Variants in AGAP2 observed in about 807,000 individuals in gnomAD.
AGAP2 encodes ArfGAP with GTPase domain, ankyrin repeat and PH domain 2, also known as arf-GAP with GTPase, ANK repeat and PH domain-containing protein 2.
In AGAP2, 32 loss-of-function variants were observed where a neutral mutation model predicts 110.9. That is an observed-to-expected ratio of 0.29 (90% CI 0.22 to 0.39). The LOEUF is 0.39. AGAP2 is among the 10% of genes least tolerant of loss of function. AGAP2 has a pLI of 1.00. For missense variants in AGAP2, 1,285 were observed against 1,638.5 expected (o/e 0.78, Z 3.72); for synonymous variants, 702 against 713.0 (o/e 0.98, Z 0.25).
In AGAP2 at chr12:57,732,421, G is replaced by T; in HGVS notation, c.1776C>A (p.Ser592=). The T allele has an allele frequency of 6.2e-7, 1 of 1,605,580 alleles. No homozygotes were observed. ...LPSSPSHSAA[S]TPVAGQASNG... ...AACTCACCTGGCCAGCTACCGGAGT[G>T]GATGCAGCTGAGTGGCTTGGGGAGC... Residue 592 remains serine (S), a synonymous_variant, in exon 7 of 19, where the codon TCC becomes TCA. Coordinates refer to ENST00000547588, the MANE Select transcript of AGAP2 (RefSeq NM_001122772.3).
At chr12:57,742,019 C>T (rs772200859), upstream of AGAP2, 43 of 1,614,026 alleles carry the variant, frequency 2.7e-5, no homozygotes, top group East Asian at 2.2e-5. Context: ...CACCTCATGT[C>T]GTCTGACTTC....
In AGAP2 at chr12:57,737,360, G is replaced by C; in HGVS notation, c.887C>G (p.Pro296Arg). The C allele has an allele frequency of 6.2e-7, 1 of 1,613,874 alleles. No individual in the cohort carries two copies. The highest frequency in any genetic ancestry group is 1.1e-5 in the South Asian group (1 of 91,084). The change falls in exon 1 of 19, where the codon CCA (proline) becomes CGA (arginine). Residue 296 changes from proline to arginine, a missense_variant. Physicochemically the swap from Pro to Arg is moderately radical, Grantham distance 103 (BLOSUM62 -2). Coordinates refer to ENST00000547588, the MANE Select transcript of AGAP2 (RefSeq NM_001122772.3). This position sits in a 1 kb window ranked among gnomAD's most constrained non-coding sequence, Gnocchi z 5.9. ...AGCAGTGGCTGGACTCGGAGTTGGT[G>C]GGAGGGTTAGCGGAGGAGGAGAGCC... The part of the protein sequence containing the change: ...PAGSPPPLTL[P>R]PTPSPATAVT...
chr12:57,727,995 T>C lies in AGAP2; in HGVS notation c.2708A>G (p.Gln903Arg). 1.2e-6 allele frequency: 2 copies of C among 1,614,162 alleles called. No individual in the cohort carries two copies. Among genetic ancestry groups the C allele is most frequent in the Non-Finnish European group, 1.7e-6 (2 of 1,179,998 alleles). ...ASFEERDAWV[Q>R]AIESQILASL... ...GGCTAGGATCTGACTCTCGATGGCC[T>C]GGACCCAGGCATCCCGCTCCTCAAA... Residue 903 changes from glutamine to arginine, a missense_variant, in exon 15 of 19, where the codon CAG becomes CGG. Around this residue, in one of 7 missense-constraint regions of AGAP2, gnomAD observed 25 missense variants for 67.5 expected, o/e 0.37. Transcript: ENST00000547588.
intron 15 of AGAP2, 81 bp from the exon 16 acceptor site, chr12:57,727,852 C>T: frequency 6.3e-7 from 1 of 1,597,092 alleles, no homozygotes; most frequent in Non-Finnish European, 8.5e-7. Flanking sequence ...TCCTCTCACA[C>T]GACTTCGGCC....
At position 57,730,535 on chromosome 12, in the gene AGAP2, CAGG is replaced by C. The variant is rs757441745; in HGVS notation, c.2385_2387del (p.His795_Leu796delinsGln). ...GGGCCAAATTCCGGTCTGGCTTCAG[CAGG>C]TGTTTGGATGTCTGATCTGGTGGTG... On this transcript the variant is annotated inframe_deletion, in exon 12 of 19. Coordinates refer to ENST00000547588, the MANE Select transcript of AGAP2 (RefSeq NM_001122772.3). The C allele has an allele frequency of 4.3e-6, 7 of 1,614,174 alleles. No individual in the cohort carries two copies. In the East Asian group the frequency reaches 1.6e-4, roughly 36 times the overall value.
intron 11 of AGAP2, 58 bp from the exon 12 acceptor site, chr12:57,730,672 T>C: frequency 1.2e-6 from 2 of 1,605,462 alleles, no homozygotes; most frequent in Admixed American, 3.4e-5. Context: ...ATTCCTTATG[T>C]GGTCCCTCTT....
At position 57,727,000 on chromosome 12, in the gene AGAP2, C is replaced by T. The variant is rs773162708; in HGVS notation, c.3310G>A (p.Val1104Ile). 31 of 1,602,566 alleles carry T rather than the reference C, an allele frequency of 1.9e-5. No homozygotes were observed. Among genetic ancestry groups the T allele is most frequent in the Non-Finnish European group, 2.3e-5 (27 of 1,174,996 alleles). The change falls in exon 18 of 19, where the codon GTC becomes ATC. Residue 1104 changes from valine (V) to isoleucine (I), a missense_variant. Val to Ile is a conservative substitution (Grantham distance 29). Coordinates refer to ENST00000547588, the MANE Select transcript of AGAP2 (RefSeq NM_001122772.3). This position sits in a 1 kb window ranked among gnomAD's most constrained non-coding sequence, Gnocchi z 5.7. ...PLHLAAELAH[V>I]VITQLLLWYG... is the part of the protein sequence containing the mutation. ...CACAGCAGCAGTTGCGTGATGACGA[C>T]GTGGGCGAGCTCGGCCGCCAGGTGG... is the stretch of plus-strand genomic sequence containing the variant.
chr12:57,728,177 C>G, intron 14 of AGAP2, 92 bp from the exon 15 acceptor site: 8 of 1,527,584 alleles, frequency 5.2e-6, no homozygotes, highest in Non-Finnish European at 6.2e-6. Flanking sequence ...CCATCCCGAG[C>G]CCCTGGGAGT....
Position 57,726,385 on chromosome 12 carries a change from T to G in AGAP2, c.*167A>C. On this transcript the variant is annotated 3_prime_UTR_variant, in exon 19 of 19. Coordinates refer to ENST00000547588, the MANE Select transcript of AGAP2 (RefSeq NM_001122772.3). This position sits in a 1 kb window ranked among gnomAD's most constrained non-coding sequence, Gnocchi z 5.7. ...CCTCGTTGGGGAGAGGGAGGTGAGT[T>G]TGTGTCTTCTGGAAGGCGTGGGGGC... 1 of 554,228 alleles carries G rather than the reference T, an allele frequency of 1.8e-6. No individual in the cohort carries two copies. Among genetic ancestry groups the G allele is most frequent in the Non-Finnish European group, 2.5e-6 (1 of 398,372 alleles). 34.3% of individuals were successfully genotyped at this position (554,228 alleles called of 1,614,324 possible). A position where few individuals can be genotyped will look rare whatever the true frequency, so the allele number is the denominator to read the frequency against.
chr12:57,735,002 G>A (rs1440005801), intron 2 of AGAP2, among the ~76,000 whole-genome samples: 1 of 151,626 alleles, frequency 6.6e-6, no homozygotes, highest in East Asian at 1.9e-4. Context: ...TTGTGTGTGT[G>A]TGTCTCTGTG....
At position 57,725,774 on chromosome 12, in the gene AGAP2, T is replaced by G. The variant is rs1028964975; in HGVS notation, c.*778A>C. The G allele has an allele frequency of 8.7e-6, 1 of 114,792 alleles. No homozygotes were observed. Among genetic ancestry groups the G allele is most frequent in the African/African-American group, 3.2e-5 (1 of 30,802 alleles). 7.1% of individuals were successfully genotyped at this position (114,792 alleles called of 1,614,324 possible). A position where few individuals can be genotyped will look rare whatever the true frequency, so the allele number is the denominator to read the frequency against. Reference sequence around the variant, plus strand: ...ACGCCCCTGCCCGCCCCCATCCCCATGTTGGGGAACAAAGCAATAAATTAC... The same window carrying G: ...ACGCCCCTGCCCGCCCCCATCCCCAGGTTGGGGAACAAAGCAATAAATTAC... On this transcript the variant is annotated 3_prime_UTR_variant, in exon 19 of 19. Coordinates refer to ENST00000547588, the MANE Select transcript of AGAP2 (RefSeq NM_001122772.3).
chr12:57,734,504 C>A lies in AGAP2; in HGVS notation c.1315+88G>T, dbSNP rs1954943657. 4 of 1,588,106 alleles carry A rather than the reference C, an allele frequency of 2.5e-6. No homozygotes were observed. In the African/African-American group the frequency reaches 5.4e-5, roughly 21 times the overall value. ...TTGCTATTATGGCCTCATCCTTCCC[C>A]CCTGGTCTCCACACCTGCCTAATCA... is the stretch of plus-strand genomic sequence containing the variant. On this transcript the variant is annotated intron_variant, in intron 3 of 18. Coordinates refer to ENST00000547588, the MANE Select transcript of AGAP2 (RefSeq NM_001122772.3).
At chr12:57,728,272 C>T in intron 14 of AGAP2, 46 bp downstream of exon 14, 2 of 1,604,052 alleles carry the variant, frequency 1.2e-6, no homozygotes, top group Non-Finnish European at 1.7e-6. Flanking sequence ...CACCCCCACC[C>T]TTCTGCACCC....
rs761339511 is a variant in AGAP2 at position 57,726,991 on chromosome 12, T to C, written c.3319A>G (p.Thr1107Ala). 25 of 1,595,206 alleles carry C rather than the reference T, an allele frequency of 1.6e-5. 1 individual carries two copies. In the East Asian group the frequency reaches 5.2e-4, roughly 33 times the overall value. ...TCACGTACCCACAGCAGCAGTTGCG[T>C]GATGACGACGTGGGCGAGCTCGGCC... ...LAAELAHVVITQLLLWYGADV... is the reference protein window; with the variant it reads ...LAAELAHVVIAQLLLWYGADV... Residue 1107 changes from threonine to alanine, a missense_variant, in exon 18 of 19, where the codon ACG (threonine) becomes GCG (alanine). Transcript: ENST00000547588. This position sits in a 1 kb window ranked among gnomAD's most constrained non-coding sequence, Gnocchi z 5.7.
At chr12:57,729,606 G>A in intron 13 of AGAP2, 33 bp downstream of exon 13, 1 of 1,600,732 alleles carries the variant, frequency 6.2e-7, no homozygotes, top group East Asian at 2.3e-5. Flanking sequence ...TGAGGGTTCT[G>A]GGTGGGAGTG....
intron 1 of AGAP2, 24 bp from the exon 2 acceptor site, chr12:57,735,451 G>A (rs1361238772): frequency 1.2e-6 from 2 of 1,611,172 alleles, no homozygotes; most frequent in Non-Finnish European, 1.7e-6. Flanking sequence ...AGGGCAGTAA[G>A]AGGGGAGGCT....
chr12:57,734,734 A>G, intron 2 of AGAP2, 55 bp from the exon 3 acceptor site: 2 of 1,533,018 alleles, frequency 1.3e-6, no homozygotes, highest in Non-Finnish European at 1.8e-6. Flanking sequence ...GGCAGGATGC[A>G]TGGGTCTGGA....
chr12:57,737,812 G>T lies in AGAP2; in HGVS notation c.435C>A (p.Leu145=). The T allele has an allele frequency of 6.6e-7, 1 of 1,509,734 alleles. No individual in the cohort carries two copies. The highest frequency in any genetic ancestry group is 1.2e-5 in the South Asian group (1 of 80,976). 93.5% of individuals were successfully genotyped at this position (1,509,734 alleles called of 1,614,324 possible). A position where few individuals can be genotyped will look rare whatever the true frequency, so the allele number is the denominator to read the frequency against. The change falls in exon 1 of 19, where the codon CTC becomes CTA. Residue 145 remains leucine, a synonymous_variant. Transcript: ENST00000547588. This position sits in a 1 kb window ranked among gnomAD's most constrained non-coding sequence, Gnocchi z 5.9. Reference sequence around the variant, plus strand: ...CCGGGCCGCCCCAGCTCGGGCTGCTGAGCAGGGGGCGCCGGGAGGAGGTGG... The same window carrying T: ...CCGGGCCGCCCCAGCTCGGGCTGCTTAGCAGGGGGCGCCGGGAGGAGGTGG... ...GAPTSSRRPL[L]SSPSWGGPEP... is the part of the protein sequence containing the mutation.
rs112023256 is a variant in AGAP2 at position 57,732,633 on chromosome 12, C to G, written c.1685-121G>C. The G allele has an allele frequency of 2.5e-4, 324 of 1,277,878 alleles. 2 individuals carry two copies. In the African/African-American group the frequency reaches 4.1e-3, roughly 16 times the overall value. The allele number at this position is 1,277,878 out of a possible 1,614,324, so 79.2% of individuals were successfully genotyped here. On this transcript the variant is annotated intron_variant, in intron 6 of 18. Coordinates refer to ENST00000547588, the MANE Select transcript of AGAP2 (RefSeq NM_001122772.3). ...GACCCAACTTCCTTGTCACTGTGGC[C>G]TCCATGCCACCTGTGGCCTTGCCAG...
Sources: allele counts gnomAD v4.1 joint callset (sites outside exome capture counted in the v4.1 genomes callset), GRCh38; gene constraint gnomAD v4.1.1; regional missense constraint gnomAD v4.1.1; non-coding constraint Gnocchi (gnomAD v3.1); transcripts MANE v1.5; gene names NCBI Gene and HGNC (gene_info 2026-07-23, HGNC 2026-07-21).